C3orf20: variants seen among roughly 807,000 people sequenced by gnomAD.
The protein encoded by C3orf20 is family with sequence similarity 149 member C, also known as uncharacterized protein C3orf20.
In C3orf20, 76 loss-of-function variants were observed where a neutral mutation model predicts 88.3. The ratio of observed to expected loss-of-function variants is 0.86; its 90% CI spans 0.72 to 1.04. The LOEUF (loss-of-function observed/expected upper bound fraction) is 1.04, where lower values mean the gene tolerates loss of function less well. C3orf20 is among the 50% of genes least tolerant of loss of function. C3orf20 has a pLI of 0.00. For synonymous variants in C3orf20, 436 were observed against 437.4 expected (o/e 1.00, Z 0.04); for missense variants, 1,056 against 1,123.3 (o/e 0.94, Z 0.86).
At chr3:14,715,019 C>T (rs1281570161) in intron 8 of C3orf20, among the ~76,000 whole-genome samples, 1 of 152,218 alleles carries the variant, frequency 6.6e-6, no homozygotes, top group Non-Finnish European at 1.5e-5. Context: ...ACTCAGGCTA[C>T]TAGGCAACAG....
intron 9 of C3orf20, among the ~76,000 whole-genome samples, chr3:14,718,957 A>G (rs13089210): frequency 0.86 from 130,533 of 152,130 alleles, 56,107 homozygotes; most frequent in Non-Finnish European, 0.89. Flanking sequence ...TCCAGGTTCC[A>G]TCCTCTGGGT....
rs774453335 is a variant in C3orf20, at chr3:14,757,594, A to C, written c.2164A>C (p.Thr722Pro). The C allele has an allele frequency of 6.2e-7, 1 of 1,614,016 alleles. No individual in the cohort carries two copies. Among genetic ancestry groups the C allele is most frequent in the Non-Finnish European group, 8.5e-7 (1 of 1,180,002 alleles). Residue 722 changes from threonine to proline, a missense_variant, in exon 13 of 17, where the codon ACC (threonine) becomes CCC (proline). Physicochemically the swap from Thr to Pro is conservative, Grantham distance 38 (BLOSUM62 -1). Transcript: ENST00000253697. ...VFGIISSQNY[T>P]STGQLQWLLN... ...TGGGATCATCTCAAGCCAGAACTACACCAGCACTGGGCAGCTCCAGTGGCT... is the reference window on the plus strand; with the variant it reads ...TGGGATCATCTCAAGCCAGAACTACCCCAGCACTGGGCAGCTCCAGTGGCT...
At position 14,704,717 on chromosome 3, in the gene C3orf20, T is replaced by C. The variant is rs1378393721; in HGVS notation, c.1160+99T>C. On this transcript the variant is annotated intron_variant, in intron 7 of 16. Transcript: ENST00000253697. ...TAAATGTTTCCTTGGGCCTTTTAGT[T>C]ATCAGAGAAGCCTGGTGATGGGTCT... 8 of 1,437,456 alleles carry C rather than the reference T, an allele frequency of 5.6e-6. No homozygotes were observed. In the African/African-American group the frequency reaches 8.5e-5, roughly 15 times the overall value. 89.0% of individuals were successfully genotyped at this position (1,437,456 alleles called of 1,614,324 possible).
intron 15 of C3orf20, among the ~76,000 whole-genome samples, chr3:14,763,543 G>A (rs984031971): frequency 1.3e-5 from 2 of 152,156 alleles, no homozygotes; most frequent in African/African-American, 4.8e-5. Context: ...TATCAATTTG[G>A]GGGGACATAG....
At chr3:14,678,988 C>T (rs2031940636) in intron 1 of C3orf20, among the ~76,000 whole-genome samples, 1 of 152,214 alleles carries the variant, frequency 6.6e-6, no homozygotes, top group Admixed American at 6.5e-5. Context: ...ACGGATCCCC[C>T]CACATCCCAG....
At chr3:14,711,565 TGA>T (rs1255503503) in intron 7 of C3orf20, among the ~76,000 whole-genome samples, 1 of 151,746 alleles carries the variant, frequency 6.6e-6, no homozygotes, top group East Asian at 1.9e-4. Flanking sequence ...GGATCTAAAG[TGA>T]GTCTCTTAGA....
intron 11 of C3orf20, 26 bp from the exon 12 acceptor site, chr3:14,728,413 A>G (rs1376887952): frequency 1.9e-6 from 3 of 1,612,330 alleles, no homozygotes; most frequent in African/African-American, 2.7e-5. Flanking sequence ...TGAAGGGAAA[A>G]TGACAGCAGC....
chr3:14,749,386 G>A (rs1191867293), intron 12 of C3orf20, among the ~76,000 whole-genome samples: 1 of 152,166 alleles, frequency 6.6e-6, no homozygotes, highest in Non-Finnish European at 1.5e-5. Flanking sequence ...TGTTGCCAAG[G>A]CTGGACTCAA....
At chr3:14,734,180 G>T (rs757678712) in intron 12 of C3orf20, among the ~76,000 whole-genome samples, 1 of 151,832 alleles carries the variant, frequency 6.6e-6, no homozygotes, top group Admixed American at 6.6e-5. Flanking sequence ...CTTCTTATAC[G>T]TTTGTCTTAT....
At chr3:14,755,989 A>G (rs912444526) in intron 12 of C3orf20, among the ~76,000 whole-genome samples, 5 of 143,198 alleles carry the variant, frequency 3.5e-5, no homozygotes, top group African/African-American at 1.3e-4. Context: ...AGATTGCGCC[A>G]CTGCACTCCA....
intron 12 of C3orf20, among the ~76,000 whole-genome samples, chr3:14,745,146 G>A (rs1041498905): frequency 6.6e-6 from 1 of 152,208 alleles, no homozygotes; most frequent in South Asian, 2.1e-4. Flanking sequence ...GATGAAGCTA[G>A]GCTGAAGAGG....
At chr3:14,717,948 C>T (rs2034000262) in intron 9 of C3orf20, among the ~76,000 whole-genome samples, 1 of 152,024 alleles carries the variant, frequency 6.6e-6, no homozygotes, top group Admixed American at 6.5e-5. Flanking sequence ...TGTTTATTTT[C>T]TTTACCTGCT....
intron 5 of C3orf20, among the ~76,000 whole-genome samples, chr3:14,700,128 G>A (rs1388162805): frequency 6.6e-6 from 1 of 152,192 alleles, no homozygotes; most frequent in Admixed American, 6.5e-5. Context: ...CTGGGGATGG[G>A]GAAGGGTTGT....
chr3:14,696,108 T>C (rs1171791883), intron 5 of C3orf20, among the ~76,000 whole-genome samples: 1 of 128,454 alleles, frequency 7.8e-6, no homozygotes, highest in Non-Finnish European at 1.6e-5. Context: ...GGTGATATGA[T>C]TAAATTTCTT....
Position 14,772,966 on chromosome 3 carries a change from C to A in C3orf20, c.*91C>A. 2.1e-6 allele frequency: 2 copies of A among 939,106 alleles called. No individual in the cohort carries two copies. The highest frequency in any genetic ancestry group is 3.5e-6 in the Non-Finnish European group (2 of 579,684). 58.2% of individuals were successfully genotyped at this position (939,106 alleles called of 1,614,324 possible). A position where few individuals can be genotyped will look rare whatever the true frequency, so the allele number is the denominator to read the frequency against. On this transcript the variant is annotated 3_prime_UTR_variant, in exon 17 of 17. Coordinates refer to ENST00000253697, the MANE Select transcript of C3orf20 (RefSeq NM_032137.5). This position sits in a 1 kb window ranked among gnomAD's most constrained non-coding sequence, Gnocchi z 4.2. ...CAGCCCTGCCTCCCCGGTCTCCCAC[C>A]CTGTCCTCCAAGCTTCTATAATAAA...
At chr3:14,695,542 T>C (rs539337127) in intron 5 of C3orf20, among the ~76,000 whole-genome samples, 14 of 152,304 alleles carry the variant, frequency 9.2e-5, no homozygotes, top group African/African-American at 3.4e-4. Context: ...CTGATGTTTC[T>C]TTGTTGATTT....
chr3:14,705,733 T>C (rs1325492311), intron 7 of C3orf20, among the ~76,000 whole-genome samples: 1 of 152,210 alleles, frequency 6.6e-6, no homozygotes, highest in Non-Finnish European at 1.5e-5. Context: ...AAAGCACTTA[T>C]TCCAGGTTAC....
chr3:14,766,478 A>G (rs1007401301), intron 15 of C3orf20, among the ~76,000 whole-genome samples: 2 of 152,180 alleles, frequency 1.3e-5, no homozygotes, highest in Non-Finnish European at 2.9e-5. Flanking sequence ...CCCAGAACAC[A>G]TGCAGAGCTC....
chr3:14,707,046 G>A (rs569772798), intron 7 of C3orf20, among the ~76,000 whole-genome samples: 103 of 151,976 alleles, frequency 6.8e-4, no homozygotes, highest in Admixed American at 1.4e-3. Context: ...TCAGGAGATC[G>A]AGTCCATCCT....
Sources: gnomAD v4.1 joint callset for allele counts (sites outside exome capture counted in the v4.1 genomes callset) on GRCh38, gnomAD v4.1.1 for gene constraint, Gnocchi (gnomAD v3.1) non-coding constraint, MANE v1.5 for transcripts, NCBI Gene and HGNC (gene_info 2026-07-23, HGNC 2026-07-21) for gene names.